The following CRIM1 variants were observed in gnomAD, a reference collection of about 807,000 sequenced individuals.
CRIM1 encodes cysteine rich transmembrane BMP regulator 1.
A neutral mutation model predicts 116.4 loss-of-function variants in CRIM1; 32 were observed. That is an observed-to-expected ratio of 0.27 (90% CI 0.21 to 0.37). The LOEUF is 0.37. CRIM1 is among the 10% of genes least tolerant of loss of function. CRIM1 has a pLI of 1.00. For missense variants in CRIM1, 1,331 were observed against 1,354.8 expected (o/e 0.98, Z 0.28); for synonymous variants, 590 against 509.2 (o/e 1.16, Z -2.13).
intron 8 of CRIM1, among the ~76,000 whole-genome samples, chr2:36,505,545 G>A (rs1238455376): frequency 3.1e-4 from 18 of 57,480 alleles, no homozygotes; most frequent in South Asian, 2.0e-3. Flanking sequence ...GATAGTGGTT[G>A]TAGTGGTGCT....
intron 14 of CRIM1, among the ~76,000 whole-genome samples, chr2:36,543,215 G>A (rs1230481607): frequency 1.3e-5 from 2 of 152,096 alleles, no homozygotes; most frequent in Non-Finnish European, 2.9e-5. Flanking sequence ...GATTTTGAGC[G>A]ATTTAACTTA....
intron 1 of CRIM1, among the ~76,000 whole-genome samples, chr2:36,390,863 G>A (rs1671523170): frequency 6.6e-6 from 1 of 151,930 alleles, no homozygotes; most frequent in African/African-American, 2.4e-5. Context: ...AGGCTCAAGT[G>A]CAGTGGTGCG....
At chr2:36,493,048 G>T (rs1680341914) in intron 7 of CRIM1, among the ~76,000 whole-genome samples, 1 of 152,178 alleles carries the variant, frequency 6.6e-6, no homozygotes, top group Non-Finnish European at 1.5e-5. Context: ...ACGAGAGACA[G>T]ATAGGAATTG....
At position 36,356,153 on chromosome 2, in the gene CRIM1, C is replaced by T; in HGVS notation, c.-140C>T. 1.0e-5 allele frequency: 2 copies of T among 193,092 alleles called. No homozygotes were observed. The highest frequency in any genetic ancestry group is 6.3e-5 in the Admixed American group (1 of 15,954). 12.0% of individuals were successfully genotyped at this position (193,092 alleles called of 1,614,324 possible). ...GGGCCTCGCCCCGCGAGGGGAGGCG[C>T]GCCCCGGGGGCCCCGAGAGGGGCGG... On this transcript the variant is annotated 5_prime_UTR_variant, in exon 1 of 17. Coordinates refer to ENST00000280527, the MANE Select transcript of CRIM1 (RefSeq NM_016441.3). This position sits in a 1 kb window ranked among gnomAD's most constrained non-coding sequence, Gnocchi z 4.3.
intron 13 of CRIM1, 93 bp downstream of exon 13, chr2:36,522,406 A>G (rs1665455760): frequency 2.9e-6 from 3 of 1,044,852 alleles, no homozygotes; most frequent in Non-Finnish European, 4.4e-6. Context: ...TATTTTTGAA[A>G]CTGGTTTTTT....
chr2:36,418,391 C>T (rs1029769023), intron 2 of CRIM1, among the ~76,000 whole-genome samples: 4 of 152,130 alleles, frequency 2.6e-5, no homozygotes, highest in African/African-American at 9.7e-5. Context: ...GCAGCCTCCA[C>T]CTCCCCAGGC....
At position 36,442,750 on chromosome 2, in the gene CRIM1, A is replaced by G. The variant is rs1675955944; in HGVS notation, c.869+15A>G. 1 of 1,613,912 alleles carries G rather than the reference A, an allele frequency of 6.2e-7. No homozygotes were observed. Among genetic ancestry groups the G allele is most frequent in the Non-Finnish European group, 8.5e-7 (1 of 1,179,954 alleles). ...TTGCCAACAAGGTTAGTTTGCCATTAGTTTGTCAAGTTTTCTCCTCATTTG... is the reference window on the plus strand; with the variant it reads ...TTGCCAACAAGGTTAGTTTGCCATTGGTTTGTCAAGTTTTCTCCTCATTTG... On this transcript the variant is annotated intron_variant, in intron 4 of 16. Transcript: ENST00000280527.
chr2:36,394,280 A>G (rs1671844181), intron 1 of CRIM1, among the ~76,000 whole-genome samples: 1 of 152,322 alleles, frequency 6.6e-6, no homozygotes, highest in South Asian at 2.1e-4. Flanking sequence ...TTTAATTCCT[A>G]GGGCTAAACT....
intron 1 of CRIM1, among the ~76,000 whole-genome samples, chr2:36,374,643 C>T (rs189065755): frequency 4.1e-4 from 63 of 152,266 alleles, no homozygotes; most frequent in Middle Eastern, 3.4e-3. Flanking sequence ...TTCCTTTCCC[C>T]CTTTCTTTTC....
At chr2:36,492,561 A>G (rs1201897435) in intron 7 of CRIM1, among the ~76,000 whole-genome samples, 4 of 151,948 alleles carry the variant, frequency 2.6e-5, no homozygotes, top group Admixed American at 6.6e-5. Flanking sequence ...TTTCCTTCCC[A>G]AGATGCAATT....
At chr2:36,477,385 A>G (rs1225728205) in intron 6 of CRIM1, among the ~76,000 whole-genome samples, 2 of 152,166 alleles carry the variant, frequency 1.3e-5, no homozygotes, top group African/African-American at 2.4e-5. Context: ...GTCCTAGGGC[A>G]AAGCTTTATC....
intron 5 of CRIM1, among the ~76,000 whole-genome samples, chr2:36,475,930 T>C (rs1359012238): frequency 6.6e-6 from 1 of 152,194 alleles, no homozygotes; most frequent in African/African-American, 2.4e-5. Context: ...TAAGTCTCAC[T>C]TGGTCATGGT....
At chr2:36,507,651 A>T (rs2125102332) in intron 8 of CRIM1, among the ~76,000 whole-genome samples, 1 of 152,360 alleles carries the variant, frequency 6.6e-6, no homozygotes, top group Non-Finnish European at 1.5e-5. Context: ...CCTTCTAATG[A>T]ATGTCCTGTA....
chr2:36,471,339 T>C (rs1305654895), intron 5 of CRIM1, among the ~76,000 whole-genome samples: 2 of 152,182 alleles, frequency 1.3e-5, no homozygotes, highest in Non-Finnish European at 2.9e-5. Flanking sequence ...CAGCATCACA[T>C]GCTACAAAGA....
intron 2 of CRIM1, among the ~76,000 whole-genome samples, chr2:36,407,285 A>G (rs1048205670): frequency 2.6e-5 from 4 of 152,234 alleles, no homozygotes; most frequent in African/African-American, 7.2e-5. Context: ...AAACACAGAT[A>G]TGTAAAGTGA....
intron 1 of CRIM1, among the ~76,000 whole-genome samples, chr2:36,384,029 A>G (rs1309207758): frequency 2.6e-5 from 4 of 152,244 alleles, no homozygotes; most frequent in African/African-American, 7.2e-5. Flanking sequence ...AGGAAAACAT[A>G]CAGCATACAA....
chr2:36,479,146 C>T (rs3770848), intron 6 of CRIM1, among the ~76,000 whole-genome samples: 40,723 of 152,074 alleles, frequency 0.27, 5,583 homozygotes, highest in Non-Finnish European at 0.3. Flanking sequence ...TCTACAACTG[C>T]GAAGACATTG....
At chr2:36,494,544 C>CA (rs1025850764) in intron 7 of CRIM1, among the ~76,000 whole-genome samples, 2 of 152,148 alleles carry the variant, frequency 1.3e-5, no homozygotes, top group Admixed American at 1.3e-4. Flanking sequence ...ACTCCTGACA[C>CA]AATCCCAAGG....
intron 7 of CRIM1, among the ~76,000 whole-genome samples, chr2:36,482,880 TGTTACTGGAGACACATA>T (rs1479134570): frequency 1.3e-5 from 2 of 152,312 alleles, no homozygotes; most frequent in South Asian, 2.1e-4. Flanking sequence ...TTGTGGCTGT[TGTTACTGGAGACACATA>T]CCTTCCAAAT....
Sources: allele counts gnomAD v4.1 joint callset (sites outside exome capture counted in the v4.1 genomes callset), GRCh38; gene constraint gnomAD v4.1.1; non-coding constraint Gnocchi (gnomAD v3.1); transcripts MANE v1.5; gene names NCBI Gene and HGNC (gene_info 2026-07-23, HGNC 2026-07-21).